Variants in SLC1A2 observed in about 807,000 individuals in gnomAD.
The protein encoded by SLC1A2 is excitatory amino acid transporter 2.
Under a neutral mutation model 48.8 loss-of-function variants are expected in SLC1A2, and 15 were observed. The ratio of observed to expected loss-of-function variants is 0.31; its 90% CI spans 0.21 to 0.47. The LOEUF (loss-of-function observed/expected upper bound fraction) is 0.47. Among genes scored for constraint, SLC1A2 ranks in the 20% least tolerant of loss-of-function variants. The probability of loss-of-function intolerance (pLI) is 0.99; values close to 1 mark genes in which losing one functional copy is unlikely to be tolerated. For synonymous variants in SLC1A2, 279 were observed against 272.6 expected (o/e 1.02, Z -0.23); for missense variants, 502 against 730.5 (o/e 0.69, Z 3.61).
intron 1 of SLC1A2, among the ~76,000 whole-genome samples, chr11:35,396,966 T>G (rs1465304436): frequency 6.6e-6 from 1 of 150,746 alleles, no homozygotes; most frequent in African/African-American, 2.4e-5. Flanking sequence ...GAATCCAACT[T>G]ACAAGGGATG....
chr11:35,325,912 C>T (rs928895338), intron 1 of SLC1A2, among the ~76,000 whole-genome samples: 12 of 140,500 alleles, frequency 8.5e-5, no homozygotes, highest in Non-Finnish European at 1.2e-4. Context: ...TGCAGTGAGC[C>T]GGGATCACAC....
At chr11:35,416,633 TCAAA>T (rs1039505335) in intron 1 of SLC1A2, among the ~76,000 whole-genome samples, 2 of 152,230 alleles carry the variant, frequency 1.3e-5, no homozygotes, top group African/African-American at 4.8e-5. Context: ...ACATTCTGGA[TCAAA>T]CAAAGTTGAA....
intron 1 of SLC1A2, among the ~76,000 whole-genome samples, chr11:35,379,492 A>G (rs531899807): frequency 1.3e-5 from 2 of 152,222 alleles, no homozygotes; most frequent in Non-Finnish European, 2.9e-5. Flanking sequence ...TGTGCCTCGG[A>G]CATATTCCTC....
At chr11:35,357,900 G>A (rs921831237) in intron 1 of SLC1A2, among the ~76,000 whole-genome samples, 12 of 152,114 alleles carry the variant, frequency 7.9e-5, no homozygotes, top group African/African-American at 2.2e-4. Context: ...TAATCCCAGC[G>A]GTTTGGGAGG....
At chr11:35,394,423 C>T (rs1590268865) in intron 1 of SLC1A2, among the ~76,000 whole-genome samples, 1 of 152,170 alleles carries the variant, frequency 6.6e-6, no homozygotes, top group South Asian at 2.1e-4. Flanking sequence ...AGTGAAAGGC[C>T]GCTTTTCAAA....
chr11:35,282,984 A>T (rs780393941), intron 8 of SLC1A2, among the ~76,000 whole-genome samples: 1 of 151,956 alleles, frequency 6.6e-6, no homozygotes, highest in Non-Finnish European at 1.5e-5. Flanking sequence ...CCCCTGGCTC[A>T]CTTCTCTAGG....
chr11:35,322,825 A>G, intron 1 of SLC1A2: 1 of 693,026 alleles, frequency 1.4e-6, no homozygotes, highest in Non-Finnish European at 2.6e-6. Context: ...TGATTGTCCC[A>G]CATCCAGGGT....
At chr11:35,269,218 C>T (rs975521451) in intron 9 of SLC1A2, among the ~76,000 whole-genome samples, 1 of 152,218 alleles carries the variant, frequency 6.6e-6, no homozygotes, top group African/African-American at 2.4e-5. Context: ...GACACAGAAT[C>T]TCCCAGTGCC....
chr11:35,407,605 G>A (rs937058174), intron 1 of SLC1A2, among the ~76,000 whole-genome samples: 3 of 152,132 alleles, frequency 2.0e-5, no homozygotes, highest in Non-Finnish European at 4.4e-5. Context: ...CACCAACATG[G>A]CAACAGCTGC....
At chr11:35,372,031 C>T (rs1050428256) in intron 1 of SLC1A2, among the ~76,000 whole-genome samples, 1 of 152,184 alleles carries the variant, frequency 6.6e-6, no homozygotes, top group Non-Finnish European at 1.5e-5. Flanking sequence ...CAGCTGGCTC[C>T]CCCATCAGTC....
intron 1 of SLC1A2, among the ~76,000 whole-genome samples, chr11:35,390,500 TGTGACCAGTGCAA>T (rs1854730318): frequency 6.6e-6 from 1 of 152,176 alleles, no homozygotes. Flanking sequence ...CCACTCGAAA[TGTGACCAGTGCAA>T]AATGAGATGT....
chr11:35,419,542 G>A lies in SLC1A2; in HGVS notation c.-576C>T, dbSNP rs969409304. The stretch of plus-strand genomic sequence containing the variant: ...CAGGCGATCCCTCTCTATTTTCGTC[G>A]AGAGCTGACATCACCCGCGCCGCCG... On this transcript the variant is annotated 5_prime_UTR_variant, in exon 1 of 11. Transcript: ENST00000278379. This position sits in a 1 kb window ranked among gnomAD's most constrained non-coding sequence, Gnocchi z 5.4. 2 of 156,782 alleles carry A rather than the reference G, an allele frequency of 1.3e-5. No individual in the cohort carries two copies. The highest frequency in any genetic ancestry group is 2.4e-5 in the African/African-American group (1 of 41,432). The allele number at this position is 156,782 out of a possible 1,614,324, so 9.7% of individuals were successfully genotyped here.
At chr11:35,332,176 A>G (rs974899265) in intron 1 of SLC1A2, among the ~76,000 whole-genome samples, 2 of 152,204 alleles carry the variant, frequency 1.3e-5, no homozygotes, top group Non-Finnish European at 2.9e-5. Context: ...GCTTCTAATT[A>G]CCACAAGTGA....
In SLC1A2 at chr11:35,259,364, G is replaced by C. The variant is rs1432789187; in HGVS notation, c.*1530C>G. On this transcript the variant is annotated 3_prime_UTR_variant, in exon 11 of 11. Coordinates refer to ENST00000278379, the MANE Select transcript of SLC1A2 (RefSeq NM_004171.4). Reference sequence around the variant, plus strand: ...CTACATACTTCTTAGAGTCAAATGTGCTTTATTTCTCAATGATTCAAGTCC... The same window carrying C: ...CTACATACTTCTTAGAGTCAAATGTCCTTTATTTCTCAATGATTCAAGTCC... The C allele has an allele frequency of 6.6e-6, 1 of 152,520 alleles. No individual in the cohort carries two copies. Among genetic ancestry groups the C allele is most frequent in the Non-Finnish European group, 1.5e-5 (1 of 68,022 alleles). 9.4% of individuals were successfully genotyped at this position (152,520 alleles called of 1,614,324 possible).
chr11:35,312,689 T>C (rs913334440), intron 3 of SLC1A2, among the ~76,000 whole-genome samples: 1 of 152,258 alleles, frequency 6.6e-6, no homozygotes. Flanking sequence ...ATATAACCTA[T>C]GCACATCCTC....
In SLC1A2 at chr11:35,323,728, G is replaced by A. The variant is rs544652352; in HGVS notation, c.18-6212C>T. On this transcript the variant is annotated intron_variant, in intron 1 of 10. Coordinates refer to ENST00000278379, the MANE Select transcript of SLC1A2 (RefSeq NM_004171.4). Reference sequence around the variant, plus strand: ...CTCACAGGGAAAGGTAGAGATGAGCGACAAACCAACAGCAACAATAACAAC... The same window carrying A: ...CTCACAGGGAAAGGTAGAGATGAGCAACAAACCAACAGCAACAATAACAAC... 9.2e-5 allele frequency among the ~76,000 whole-genome samples: 14 copies of A among 152,294 alleles called. No individual in the cohort carries two copies. The South Asian group carries it at 2.7e-3, about 29-fold the overall frequency.
intron 8 of SLC1A2, among the ~76,000 whole-genome samples, chr11:35,283,686 C>T (rs563951062): frequency 4.6e-5 from 7 of 152,188 alleles, no homozygotes; most frequent in African/African-American, 1.7e-4. Context: ...CAGAAATTAC[C>T]TTTGCTTGGC....
Position 35,331,277 on chromosome 11 carries a change from G to C in SLC1A2, c.18-13761C>G, listed in dbSNP as rs1206931935. On this transcript the variant is annotated intron_variant, in intron 1 of 10. Transcript: ENST00000278379. The stretch of plus-strand genomic sequence containing the variant: ...TGTTTAAAAGGCTCAGCAACACCAT[G>C]CCTCTAAATGGCTTCCATCGCCCAT... Among the ~76,000 whole-genome samples, 4 of 152,162 alleles carry C rather than the reference G, an allele frequency of 2.6e-5. No individual in the cohort carries two copies. The East Asian group carries it at 7.7e-4, about 29-fold the overall frequency.
intron 4 of SLC1A2, among the ~76,000 whole-genome samples, chr11:35,307,612 GGAA>G (rs1400800944): frequency 1.2e-4 from 18 of 152,320 alleles, no homozygotes; most frequent in African/African-American, 4.1e-4. Context: ...GAATAGATAC[GGAA>G]GAAGATGTAC....
Sources: gnomAD v4.1 joint callset for allele counts (sites outside exome capture counted in the v4.1 genomes callset) on GRCh38, gnomAD v4.1.1 for gene constraint, Gnocchi (gnomAD v3.1) non-coding constraint, MANE v1.5 for transcripts, NCBI Gene and HGNC (gene_info 2026-07-23, HGNC 2026-07-21) for gene names.